The following MYO7B variants were observed in gnomAD, a reference collection of about 807,000 sequenced individuals.
MYO7B encodes unconventional myosin-VIIb.
In MYO7B, 212 loss-of-function variants were observed where a neutral mutation model predicts 259.7. That is an observed-to-expected ratio of 0.82 (90% CI 0.73 to 0.91). MYO7B has a LOEUF of 0.91. MYO7B is among the 40% of genes least tolerant of loss of function. MYO7B has a pLI of 0.00. For synonymous variants in MYO7B, 1,197 were observed against 1,166.4 expected (o/e 1.03, Z -0.54); for missense variants, 2,732 against 2,813.5 (o/e 0.97, Z 0.66).
intron 9 of MYO7B, among the ~76,000 whole-genome samples, chr2:127,580,328 A>C (rs1336211595): frequency 6.6e-6 from 1 of 152,134 alleles, no homozygotes; most frequent in Non-Finnish European, 1.5e-5. Context: ...GAGCTCCATT[A>C]GTGCTTTGCT....
At chr2:127,620,568 C>A in intron 27 of MYO7B, 102 bp downstream of exon 27, 2 of 1,307,500 alleles carry the variant, frequency 1.5e-6, no homozygotes, top group Non-Finnish European at 2.0e-6. Context: ...AGTACGTGGC[C>A]CATTTCTCCT....
At position 127,584,443 on chromosome 2, in the gene MYO7B, C is replaced by T; in HGVS notation, c.1554+111C>T. 2 of 1,187,834 alleles carry T rather than the reference C, an allele frequency of 1.7e-6. No homozygotes were observed. Among genetic ancestry groups the T allele is most frequent in the African/African-American group, 1.5e-5 (1 of 65,574 alleles). 73.6% of individuals were successfully genotyped at this position (1,187,834 alleles called of 1,614,324 possible). ...CACTTGTTCTGAGAGTCACTAAAAC[C>T]TCTGCCAGGAATAAGCAGAAGAGCC... On this transcript the variant is annotated intron_variant, in intron 13 of 47. Coordinates refer to ENST00000409816, the MANE Select transcript of MYO7B (RefSeq NM_001393586.1). The surrounding 1 kb of genome is among the most constrained non-coding windows in gnomAD (Gnocchi z 5.8).
intron 16 of MYO7B, among the ~76,000 whole-genome samples, chr2:127,592,457 T>C (rs919832285): frequency 6.6e-6 from 1 of 152,216 alleles, no homozygotes; most frequent in African/African-American, 2.4e-5. Context: ...ACTGGGCATG[T>C]GCAGAGGACG....
At chr2:127,548,176 A>T (rs1179212487) in intron 1 of MYO7B, among the ~76,000 whole-genome samples, 1 of 152,060 alleles carries the variant, frequency 6.6e-6, no homozygotes, top group Non-Finnish European at 1.5e-5. Context: ...TTCCAATAGT[A>T]GTTAATTTGT....
rs1301804475 is a variant in MYO7B at position 127,609,200 on chromosome 2, G to T, written c.2815-306G>T. ...AGAGCACCTTTGAGGCCGCTGCTCT[G>T]CAGTGTGGCTGAGGAAGCTGCAGTG... On this transcript the variant is annotated intron_variant, in intron 22 of 47. Coordinates refer to ENST00000409816, the MANE Select transcript of MYO7B (RefSeq NM_001393586.1). This position sits in a 1 kb window ranked among gnomAD's most constrained non-coding sequence, Gnocchi z 6.9. Among the ~76,000 whole-genome samples the T allele has an allele frequency of 6.6e-6, 1 of 152,116 alleles. No individual in the cohort carries two copies. Among genetic ancestry groups the T allele is most frequent in the African/African-American group, 2.4e-5 (1 of 41,430 alleles).
intron 2 of MYO7B, among the ~76,000 whole-genome samples, chr2:127,560,177 CCA>C (rs1678016533): frequency 6.6e-6 from 1 of 152,032 alleles, no homozygotes; most frequent in African/African-American, 2.4e-5. Context: ...CAGGTGCATG[CCA>C]CCACACCCAG....
At chr2:127,575,931 T>C (rs1678849403) in intron 7 of MYO7B, among the ~76,000 whole-genome samples, 1 of 152,218 alleles carries the variant, frequency 6.6e-6, no homozygotes, top group Non-Finnish European at 1.5e-5. Flanking sequence ...TTAACACTAC[T>C]GCATATGCTT....
In MYO7B at chr2:127,609,485, G is replaced by A. The variant is rs546740655; in HGVS notation, c.2815-21G>A. 3 of 1,599,352 alleles carry A rather than the reference G, an allele frequency of 1.9e-6. No homozygotes were observed. The highest frequency in any genetic ancestry group is 1.7e-5 in the Admixed American group (1 of 57,412). The stretch of plus-strand genomic sequence containing the variant: ...TTACCTGAAAGCCCTGCTGACCCGT[G>A]TTCTCCCTCAATGGCCGTAGGATCT... On this transcript the variant is annotated intron_variant, in intron 22 of 47. Transcript: ENST00000409816. This position sits in a 1 kb window ranked among gnomAD's most constrained non-coding sequence, Gnocchi z 6.9.
intron 12 of MYO7B, among the ~76,000 whole-genome samples, chr2:127,583,918 G>A (rs1392097386): frequency 1.3e-5 from 2 of 151,856 alleles, no homozygotes; most frequent in African/African-American, 4.8e-5. Context: ...ACGTGGGGTG[G>A]AGAAGGTGAC....
intron 26 of MYO7B, among the ~76,000 whole-genome samples, chr2:127,612,905 A>G (rs1680441549): frequency 6.6e-6 from 1 of 152,122 alleles, no homozygotes; most frequent in Non-Finnish European, 1.5e-5. Flanking sequence ...TATATTATAC[A>G]TTTTGTGCTT....
chr2:127,537,438 G>A (rs1393468311), intron 1 of MYO7B, among the ~76,000 whole-genome samples: 1 of 152,174 alleles, frequency 6.6e-6, no homozygotes, highest in Admixed American at 6.5e-5. Context: ...CTTAACACAT[G>A]TATTTAAATG....
Position 127,592,889 on chromosome 2 carries a change from G to A in MYO7B, c.2088G>A (p.Thr696=). 2 of 1,608,752 alleles carry A rather than the reference G, an allele frequency of 1.2e-6. No individual in the cohort carries two copies. The highest frequency in any genetic ancestry group is 1.7e-6 in the Non-Finnish European group (2 of 1,178,088). The change falls in exon 17 of 48, where the codon ACG becomes ACA. Residue 696 remains threonine (T), a synonymous_variant. Coordinates refer to ENST00000409816, the MANE Select transcript of MYO7B (RefSeq NM_001393586.1). ...AGTCGGGCTTCCCCATCCGCTACAC[G>A]TTCGAGGAGTTCTCGCAGAGGTTCG... The part of the protein sequence containing the change: ...IRKSGFPIRY[T]FEEFSQRFGV...
At chr2:127,624,362 C>T (rs1312176157) in intron 30 of MYO7B, 42 bp downstream of exon 30, 2 of 1,524,228 alleles carry the variant, frequency 1.3e-6, no homozygotes, top group South Asian at 2.4e-5. Context: ...GCTTTGCCAT[C>T]AGGAAACATC....
chr2:127,592,847 G>A lies in MYO7B; in HGVS notation c.2046G>A (p.Glu682=), dbSNP rs372410691. 1.9e-6 allele frequency: 3 copies of A among 1,610,682 alleles called. No individual in the cohort carries two copies. The highest frequency in any genetic ancestry group is 1.7e-6 in the Non-Finnish European group (2 of 1,179,116). ...LRQLRYSGMM[E]TVHIRKSGFP... ...AGCTGCGATACTCGGGCATGATGGA[G>A]ACCGTGCACATCCGCAAGTCGGGCT... The change falls in exon 17 of 48, where the codon GAG becomes GAA. Residue 682 remains glutamate (E), a synonymous_variant. Transcript: ENST00000409816.
In MYO7B at chr2:127,623,182, T is replaced by C; in HGVS notation, c.3646-20T>C. On this transcript the variant is annotated intron_variant, in intron 28 of 47. Transcript: ENST00000409816. ...CATAGGTTCCAAGAGGCCAGGGAAC[T>C]GAATCTCATCTGTCCCCAGGCTGTC... 3.1e-6 allele frequency: 5 copies of C among 1,612,778 alleles called. No individual in the cohort carries two copies. The highest frequency in any genetic ancestry group is 4.2e-6 in the Non-Finnish European group (5 of 1,179,522).
intron 25 of MYO7B, 72 bp from the exon 26 acceptor site, chr2:127,612,404 C>T: frequency 1.3e-6 from 2 of 1,545,506 alleles, no homozygotes; most frequent in South Asian, 1.2e-5. Flanking sequence ...GCTTCCCTCC[C>T]TGTGCACCAG....
intron 28 of MYO7B, among the ~76,000 whole-genome samples, chr2:127,622,634 G>A (rs994435002): frequency 1.3e-5 from 2 of 152,202 alleles, no homozygotes; most frequent in South Asian, 2.1e-4. Context: ...GCAGGTGCCC[G>A]CCCTGTGACC....
chr2:127,605,260 G>A (rs796380792), intron 19 of MYO7B, among the ~76,000 whole-genome samples: 17 of 152,242 alleles, frequency 1.1e-4, no homozygotes, highest in African/African-American at 4.1e-4. Flanking sequence ...GTAGCTCTTT[G>A]GGGGTAGAGG....
chr2:127,549,294 C>T (rs912475942), intron 1 of MYO7B, among the ~76,000 whole-genome samples: 2 of 152,124 alleles, frequency 1.3e-5, no homozygotes, highest in Non-Finnish European at 2.9e-5. Context: ...CAACACTTTA[C>T]TTTTAATTTA....
Sources: gnomAD v4.1 joint callset for allele counts (sites outside exome capture counted in the v4.1 genomes callset) on GRCh38, gnomAD v4.1.1 for gene constraint, Gnocchi (gnomAD v3.1) non-coding constraint, MANE v1.5 for transcripts, NCBI Gene and HGNC (gene_info 2026-07-23, HGNC 2026-07-21) for gene names.